The following ATP11A variants were observed in gnomAD, a reference collection of about 807,000 sequenced individuals.
The protein encoded by ATP11A is ATPase phospholipid transporting 11A, also known as phospholipid-transporting ATPase IH.
In ATP11A, 81 loss-of-function variants were observed where a neutral mutation model predicts 154.4. The observed-to-expected ratio is 0.52, with a 90% CI of 0.44 to 0.63. The LOEUF is 0.63. ATP11A is among the 30% of genes least tolerant of loss of function. ATP11A has a pLI of 0.00. For synonymous variants in ATP11A, 623 were observed against 585.9 expected (o/e 1.06, Z -0.91); for missense variants, 1,316 against 1,474.3 (o/e 0.89, Z 1.76).
chr13:112,808,139 T>C (rs1330095282), intron 4 of ATP11A, among the ~76,000 whole-genome samples: 1 of 151,990 alleles, frequency 6.6e-6, no homozygotes, highest in Admixed American at 6.5e-5. Context: ...CTCTCTACAC[T>C]GTGCAGACCA....
chr13:112,837,891 G>A (rs1480363630), intron 16 of ATP11A, among the ~76,000 whole-genome samples: 1 of 152,010 alleles, frequency 6.6e-6, no homozygotes, highest in Non-Finnish European at 1.5e-5. Context: ...CGGCTCTGGG[G>A]TGGGCAGCAG....
intron 5 of ATP11A, among the ~76,000 whole-genome samples, chr13:112,815,691 C>A (rs2078626906): frequency 6.6e-6 from 1 of 152,184 alleles, no homozygotes. Context: ...ATGATCTGGG[C>A]AGCGCCTTGG....
intron 19 of ATP11A, 77 bp downstream of exon 19, chr13:112,854,607 T>A (rs1241290363): frequency 2.0e-6 from 3 of 1,504,736 alleles, no homozygotes; most frequent in African/African-American, 1.4e-5. Flanking sequence ...CACCTGCAAG[T>A]CGGGGAGCCG....
chr13:112,707,808 G>A (rs756824047), intron 1 of ATP11A, among the ~76,000 whole-genome samples: 4 of 152,128 alleles, frequency 2.6e-5, no homozygotes, highest in Admixed American at 1.3e-4. Flanking sequence ...TGGTTGGACC[G>A]AGAAGCTCCA....
chr13:112,881,514 G>C, intron 29 of ATP11A: 3 of 1,121,380 alleles, frequency 2.7e-6, no homozygotes, highest in Non-Finnish European at 3.3e-6. Context: ...TCCCGTCCAT[G>C]GCCTGTATCC....
rs1346077800 is a variant in ATP11A at position 112,886,729 on chromosome 13, AT to A, written c.*4864del. 2.0e-5 allele frequency: 3 copies of A among 152,592 alleles called. No homozygotes were observed. Among genetic ancestry groups the A allele is most frequent in the Non-Finnish European group, 4.4e-5 (3 of 68,034 alleles). The allele number at this position is 152,592 out of a possible 1,614,324, so 9.5% of individuals were successfully genotyped here. A position where few individuals can be genotyped will look rare whatever the true frequency, so the allele number is the denominator to read the frequency against. Reference sequence around the variant, plus strand: ...AAGTATACAGAATTTTAATATGCATATATTGTGTCTGACTTAAAATTATAAT... The same window carrying A: ...AAGTATACAGAATTTTAATATGCATAATTGTGTCTGACTTAAAATTATAAT... On this transcript the variant is annotated 3_prime_UTR_variant, in exon 30 of 30. Transcript: ENST00000375645.
At chr13:112,801,830 T>C (rs2078142562) in intron 2 of ATP11A, among the ~76,000 whole-genome samples, 1 of 152,234 alleles carries the variant, frequency 6.6e-6, no homozygotes, top group East Asian at 1.9e-4. Flanking sequence ...GAAAACTCCA[T>C]GTTTTTAAGA....
chr13:112,722,579 G>T (rs1001401939), intron 1 of ATP11A, among the ~76,000 whole-genome samples: 4 of 152,152 alleles, frequency 2.6e-5, no homozygotes, highest in Non-Finnish European at 2.9e-5. Context: ...GGAGGCATCC[G>T]AGTCCCATCA....
chr13:112,753,422 T>C lies in ATP11A; in HGVS notation c.40-31713T>C, dbSNP rs571022947. On this transcript the variant is annotated intron_variant, in intron 1 of 29. Coordinates refer to ENST00000375645, the MANE Select transcript of ATP11A (RefSeq NM_015205.3). This position sits in a 1 kb window ranked among gnomAD's most constrained non-coding sequence, Gnocchi z 4.1. ...TTGCTCTGTCAGTGCCGTAGGAGGA[T>C]GCCTGTTCTCCACCTACCTCGCCAG... Among the ~76,000 whole-genome samples, 29 of 152,340 alleles carry C rather than the reference T, an allele frequency of 1.9e-4. No homozygotes were observed. In the South Asian group the frequency reaches 6.0e-3, roughly 32 times the overall value.
At chr13:112,839,741 G>T (rs767857464) in intron 16 of ATP11A, among the ~76,000 whole-genome samples, 4 of 152,196 alleles carry the variant, frequency 2.6e-5, no homozygotes, top group Non-Finnish European at 5.9e-5. Context: ...CAGGCTGAAG[G>T]TGTCCTGTGT....
At position 112,759,949 on chromosome 13, in the gene ATP11A, G is replaced by A. The variant is rs192751768; in HGVS notation, c.40-25186G>A. Among the ~76,000 whole-genome samples the A allele has an allele frequency of 2.0e-4, 30 of 152,240 alleles. No homozygotes were observed. The East Asian group carries it at 5.4e-3, about 27-fold the overall frequency. ...ATGCAACAGAAAGCACCACCTTGTC[G>A]AATCGATGTGCTGAGCTAATTCCTG... On this transcript the variant is annotated intron_variant, in intron 1 of 29. Transcript: ENST00000375645.
In ATP11A at chr13:112,696,233, A is replaced by AC. The variant is rs542047986; in HGVS notation, c.39+5780dup. On this transcript the variant is annotated intron_variant, in intron 1 of 29. Coordinates refer to ENST00000375645, the MANE Select transcript of ATP11A (RefSeq NM_015205.3). This position sits in a 1 kb window ranked among gnomAD's most constrained non-coding sequence, Gnocchi z 6.2. Reference sequence around the variant, plus strand: ...CGGGGCGTCTTTGTTGCGCGCATGGACCTGCGGCTGCATCACCGTCCATGC... The same window carrying AC: ...CGGGGCGTCTTTGTTGCGCGCATGGACCCTGCGGCTGCATCACCGTCCATGC... Among the ~76,000 whole-genome samples the AC allele has an allele frequency of 3.1e-3, 475 of 152,206 alleles. No homozygotes were observed. The highest frequency in any genetic ancestry group is 5.4e-3 in the Non-Finnish European group (365 of 67,986).
intron 17 of ATP11A, among the ~76,000 whole-genome samples, chr13:112,848,926 G>C (rs779614120): frequency 1.3e-5 from 2 of 152,202 alleles, no homozygotes; most frequent in Non-Finnish European, 2.9e-5. Context: ...GACCTCAGGT[G>C]ATCTGCCCAC....
At chr13:112,871,633 G>A (rs989376018) in intron 25 of ATP11A, 102 bp from the exon 26 acceptor site, 1 of 1,085,492 alleles carries the variant, frequency 9.2e-7, no homozygotes, top group East Asian at 2.4e-5. Context: ...TTGAAGTGTT[G>A]GCACACAAGA....
intron 17 of ATP11A, among the ~76,000 whole-genome samples, chr13:112,847,773 C>T (rs998545781): frequency 3.3e-5 from 5 of 152,132 alleles, no homozygotes; most frequent in African/African-American, 1.2e-4. Flanking sequence ...TTAGGATGGG[C>T]TTTTTCATTT....
intron 27 of ATP11A, among the ~76,000 whole-genome samples, chr13:112,873,960 G>T (rs2080633276): frequency 6.6e-6 from 1 of 152,160 alleles, no homozygotes; most frequent in African/African-American, 2.4e-5. Context: ...CCGCACCAGG[G>T]GACCCATGTC....
At chr13:112,779,673 G>A (rs1219317367) in intron 1 of ATP11A, among the ~76,000 whole-genome samples, 2 of 152,290 alleles carry the variant, frequency 1.3e-5, no homozygotes, top group East Asian at 1.9e-4. Context: ...CAGCACTTTG[G>A]GAGGCTGAGG....
At chr13:112,828,198 C>CG (rs1439052221) in intron 12 of ATP11A, among the ~76,000 whole-genome samples, 6 of 40,844 alleles carry the variant, frequency 1.5e-4, no homozygotes, top group African/African-American at 4.8e-4. Context: ...GCATTGAGTG[C>CG]GGGGGAAAGC....
intron 1 of ATP11A, among the ~76,000 whole-genome samples, chr13:112,698,745 TCTCA>T (rs1260469046): frequency 1.7e-5 from 1 of 58,878 alleles, no homozygotes; most frequent in African/African-American, 3.1e-5. Flanking sequence ...TGAGACAAGG[TCTCA>T]CTCTGTCACC....
Sources: gnomAD v4.1 joint callset for allele counts (sites outside exome capture counted in the v4.1 genomes callset) on GRCh38, gnomAD v4.1.1 for gene constraint, Gnocchi (gnomAD v3.1) non-coding constraint, MANE v1.5 for transcripts, NCBI Gene and HGNC (gene_info 2026-07-23, HGNC 2026-07-21) for gene names.